The following NPHP4 variants were observed in gnomAD, a reference collection of about 807,000 sequenced individuals.
NPHP4 encodes the protein nephrocystin-4.
A neutral mutation model predicts 155.8 loss-of-function variants in NPHP4; 151 were observed. That is an observed-to-expected ratio of 0.97 (90% CI 0.85 to 1.11). NPHP4 has a LOEUF of 1.11. NPHP4 is among the 50% of genes least tolerant of loss of function. The pLI, the probability that NPHP4 is intolerant of heterozygous loss-of-function variation, is 0.00. For synonymous variants in NPHP4, 845 were observed against 816.8 expected, an observed-to-expected ratio of 1.03 and a Z score of -0.59; for missense variants, 1,956 against 1,925.7, an observed-to-expected ratio of 1.02 and a Z score of -0.29.
At chr1:5,863,600 C>A (rs544367302) in intron 29 of NPHP4, 195 bp from the exon 30 acceptor site, 4 of 660,874 alleles carry the variant, frequency 6.1e-6, no homozygotes, top group Non-Finnish European at 1.0e-5. Flanking sequence ...CAGTGTGACG[C>A]GTTACTTGGA....
At chr1:5,904,014 G>A (rs918279210) in intron 16 of NPHP4, among the ~76,000 whole-genome samples, 2 of 152,204 alleles carry the variant, frequency 1.3e-5, no homozygotes, top group Non-Finnish European at 2.9e-5. Flanking sequence ...CAGCTAAAGA[G>A]GGGACAGAAC....
chr1:5,923,787 T>C (rs1645862837), intron 11 of NPHP4, among the ~76,000 whole-genome samples: 1 of 152,202 alleles, frequency 6.6e-6, no homozygotes, highest in African/African-American at 2.4e-5. Context: ...TTAAGAATAT[T>C]TATCAGATAC....
intron 23 of NPHP4, among the ~76,000 whole-genome samples, chr1:5,872,535 A>C (rs185587671): frequency 6.6e-4 from 100 of 152,332 alleles, no homozygotes; most frequent in African/African-American, 2.4e-3. Flanking sequence ...CTTAAATAAA[A>C]TAAAGCAAGT....
chr1:5,907,375 C>G (rs569670242), intron 12 of NPHP4, among the ~76,000 whole-genome samples, 153 bp from the exon 13 acceptor site: 4 of 152,348 alleles, frequency 2.6e-5, no homozygotes, highest in Admixed American at 2.6e-4. Context: ...CAGGGCAGCT[C>G]TGGAACCTGG....
chr1:5,887,407 T>C lies in NPHP4; in HGVS notation c.2364A>G (p.Ala788=). 1.2e-6 allele frequency: 2 copies of C among 1,613,418 alleles called. No homozygotes were observed. The highest frequency in any genetic ancestry group is 2.7e-5 in the African/African-American group (2 of 75,056). The part of the protein sequence containing the change: ...VQASHELEVV[A]TEYEQDNMVV... ...CCATGTTGTCCTGCTCGTATTCAGT[T>C]GCCACGACCTCAAGCTCGTGGGAGG... Residue 788 remains alanine (A), a synonymous_variant, in exon 18 of 30, where the codon GCA becomes GCG. Coordinates refer to ENST00000378156, the MANE Select transcript of NPHP4 (RefSeq NM_015102.5).
At chr1:5,868,473 T>A (rs1641508129) in intron 23 of NPHP4, 1 of 231,924 alleles carries the variant, frequency 4.3e-6, no homozygotes. Context: ...ATAAAAAGGC[T>A]ATATTTGTTT....
At chr1:5,887,159 G>A in intron 18 of NPHP4, 127 bp downstream of exon 18, 3 of 897,534 alleles carry the variant, frequency 3.3e-6, no homozygotes, top group South Asian at 1.7e-5. Flanking sequence ...CCAAGCTGGT[G>A]AGAATTCTCC....
In NPHP4 at chr1:5,897,091, T is replaced by C. The variant is rs544034747; in HGVS notation, c.2144-6063A>G. On this transcript the variant is annotated intron_variant, in intron 16 of 29. Transcript: ENST00000378156. ...ACCTTTGTCCTGTCTTTGTGGAGCA[T>C]GTATATGTAGTTCATCGCTTATCGG... Among the ~76,000 whole-genome samples, 11 of 152,328 alleles carry C rather than the reference T, an allele frequency of 7.2e-5. No homozygotes were observed. In the South Asian group the frequency reaches 2.1e-3, roughly 29 times the overall value.
intron 6 of NPHP4, 145 bp downstream of exon 6, chr1:5,961,649 C>T (rs1650335753): frequency 2.9e-6 from 2 of 699,546 alleles, no homozygotes; most frequent in East Asian, 2.7e-5. Context: ...CACTGTCCCC[C>T]ACAACCCCCG....
chr1:5,942,997 C>T (rs962054544), intron 9 of NPHP4, among the ~76,000 whole-genome samples: 2 of 152,190 alleles, frequency 1.3e-5, no homozygotes, highest in Non-Finnish European at 2.9e-5. Context: ...TTTGCTCCAT[C>T]ACTCATTCAG....
chr1:5,937,041 G>A (rs763853910), intron 9 of NPHP4, among the ~76,000 whole-genome samples: 12 of 152,250 alleles, frequency 7.9e-5, no homozygotes, highest in Non-Finnish European at 1.5e-4. Flanking sequence ...CACAGGCCAA[G>A]GACAGCTAGG....
rs1456304337 is a variant in NPHP4 at position 5,877,201 on chromosome 1, G to A, written c.2709C>T (p.Asp903=). 1.2e-5 allele frequency: 19 copies of A among 1,605,864 alleles called. No individual in the cohort carries two copies. The highest frequency in any genetic ancestry group is 1.7e-4 in the Middle Eastern group (1 of 6,032). The stretch of plus-strand genomic sequence containing the variant: ...GGGTGGCATCCGACTCGCGGCTGAC[G>A]TCCTGGGGCCCCTTGCCCTGCCGGG... The part of the protein sequence containing the change: ...THARQGKGPQ[D]VSRESDATRR... The change falls in exon 20 of 30, where the codon GAC becomes GAT. Residue 903 remains aspartate (D), a synonymous_variant. Transcript: ENST00000378156.
chr1:5,867,471 T>C lies in NPHP4; in HGVS notation c.3472+269A>G. On this transcript the variant is annotated intron_variant, in intron 24 of 29. Coordinates refer to ENST00000378156, the MANE Select transcript of NPHP4 (RefSeq NM_015102.5). This position sits in a 1 kb window ranked among gnomAD's most constrained non-coding sequence, Gnocchi z 4.1. ...CGTCAGGTGAGGAGGTAGGTGTTCC[T>C]CCAGGCACACCTGGACCTGGGCCGC... 1.8e-6 allele frequency: 1 copy of C among 565,748 alleles called. No homozygotes were observed. Among genetic ancestry groups the C allele is most frequent in the Non-Finnish European group, 3.2e-6 (1 of 316,836 alleles). The allele number at this position is 565,748 out of a possible 1,614,324, so 35.0% of individuals were successfully genotyped here.
intron 9 of NPHP4, among the ~76,000 whole-genome samples, chr1:5,939,590 G>A (rs1473964706): frequency 1.3e-5 from 2 of 152,118 alleles, no homozygotes; most frequent in Admixed American, 6.6e-5. Flanking sequence ...TGCCCTCACT[G>A]GGTCTCACAG....
At chr1:5,964,941 A>C (rs6670542) in intron 5 of NPHP4, among the ~76,000 whole-genome samples, 1 of 59,428 alleles carries the variant, frequency 1.7e-5, no homozygotes, top group Non-Finnish European at 2.9e-5. Context: ...ATATATATAT[A>C]TTTTTTTTTT....
At chr1:5,950,306 G>A (rs1647729934) in intron 7 of NPHP4, among the ~76,000 whole-genome samples, 2 of 152,146 alleles carry the variant, frequency 1.3e-5, no homozygotes, top group South Asian at 4.1e-4. Flanking sequence ...GACCGCACCA[G>A]CCTTCAGGAC....
At chr1:5,866,938 G>T in intron 25 of NPHP4, 92 bp downstream of exon 25, 1 of 951,450 alleles carries the variant, frequency 1.1e-6, no homozygotes, top group Non-Finnish European at 1.7e-6. Flanking sequence ...AACCTAAAAT[G>T]AAGAGGATCC....
chr1:5,864,440 G>A lies in NPHP4; in HGVS notation c.3894C>T (p.Ala1298=), dbSNP rs60094861. The A allele has an allele frequency of 8.3e-4, 1,331 of 1,606,842 alleles. 13 individuals are homozygous for A. The African/African-American group carries it at 0.016, about 19-fold the overall frequency. The change falls in exon 28 of 30, where the codon GCC becomes GCT. Residue 1298 remains alanine, a synonymous_variant. Transcript: ENST00000378156. ...DLHVGVRPLR[A]GSRFVHLNLV... The stretch of plus-strand genomic sequence containing the variant: ...GGTTGAGATGGACAAAGCGGCTGCC[G>A]GCCCTAAGGGGCCTCACGCCAACAT...
chr1:5,969,117 T>G lies in NPHP4; in HGVS notation c.422A>C (p.Asp141Ala), dbSNP rs1652083386. The stretch of plus-strand genomic sequence containing the variant: ...GTCCTGGGAAGCAGAGATAGGAGAG[T>G]CCGGCTGGTTGCTGAAGATCCGAAG... ...GILRIFSNQPDSPISASQDKR... is the reference protein window; with the variant it reads ...GILRIFSNQPASPISASQDKR... Residue 141 changes from aspartate to alanine, a missense_variant, in exon 4 of 30, where the codon GAC becomes GCC. Physicochemically the swap from Asp to Ala is moderately radical, Grantham distance 126. Transcript: ENST00000378156. 1.3e-6 allele frequency: 2 copies of G among 1,541,838 alleles called. No individual in the cohort carries two copies. The highest frequency in any genetic ancestry group is 2.5e-5 in the East Asian group (1 of 40,598).
Sources: gnomAD v4.1 joint callset for allele counts (sites outside exome capture counted in the v4.1 genomes callset) on GRCh38, gnomAD v4.1.1 for gene constraint, Gnocchi (gnomAD v3.1) non-coding constraint, MANE v1.5 for transcripts, NCBI Gene and HGNC (gene_info 2026-07-23, HGNC 2026-07-21) for gene names.